The following ANK2 variants were observed in gnomAD, a reference collection of about 807,000 sequenced individuals.
ANK2 encodes ankyrin-2.
In ANK2, 83 loss-of-function variants were observed where a neutral mutation model predicts 360.5. That is an observed-to-expected ratio of 0.23 (90% CI 0.19 to 0.28). ANK2 has a LOEUF of 0.28. Among genes scored for constraint, ANK2 ranks in the 10% least tolerant of loss-of-function variants. The pLI is 1.00. For synonymous variants in ANK2, 1,740 were observed against 1,759.5 expected (o/e 0.99, Z 0.28); for missense variants, 4,201 against 4,795.7 (o/e 0.88, Z 3.66).
chr4:113,163,853 T>C (rs2097654332), intron 1 of ANK2, among the ~76,000 whole-genome samples: 1 of 151,332 alleles, frequency 6.6e-6, no homozygotes, highest in Admixed American at 6.6e-5. Flanking sequence ...TTATAGTATA[T>C]TATCCAATGG....
At chr4:113,035,289 A>G (rs1431542913) in intron 2 of ANK2, among the ~76,000 whole-genome samples, 2 of 151,924 alleles carry the variant, frequency 1.3e-5, no homozygotes, top group African/African-American at 4.8e-5. Flanking sequence ...TGTGATTAAT[A>G]TAGACAAGAA....
chr4:113,222,174 T>C (rs1014462271), intron 4 of ANK2, among the ~76,000 whole-genome samples: 2 of 152,190 alleles, frequency 1.3e-5, no homozygotes, highest in African/African-American at 2.4e-5. Context: ...CTCTTCTTAC[T>C]AACACCACCC....
intron 2 of ANK2, among the ~76,000 whole-genome samples, chr4:113,025,278 G>A (rs116291463): frequency 3.3e-5 from 5 of 152,124 alleles, no homozygotes; most frequent in African/African-American, 4.8e-5. Context: ...CTTCATACAC[G>A]ATGCCCCTCA....
intron 1 of ANK2, among the ~76,000 whole-genome samples, chr4:113,119,745 A>G (rs2095216353): frequency 6.6e-6 from 1 of 152,156 alleles, no homozygotes; most frequent in African/African-American, 2.4e-5. Flanking sequence ...AATGCAGATA[A>G]AAGCCAATTA....
intron 1 of ANK2, among the ~76,000 whole-genome samples, chr4:112,852,135 T>C (rs1460098267): frequency 7.9e-5 from 12 of 152,250 alleles, no homozygotes; most frequent in Admixed American, 7.9e-4. Flanking sequence ...TCTATTGCTC[T>C]AATACGTATT....
intron 1 of ANK2, among the ~76,000 whole-genome samples, chr4:113,136,262 G>A (rs1231015467): frequency 1.3e-5 from 2 of 152,158 alleles, no homozygotes; most frequent in African/African-American, 4.8e-5. Context: ...TCCACAGCAG[G>A]CTCCTAATCT....
chr4:113,195,354 C>T (rs1411806071), intron 2 of ANK2, among the ~76,000 whole-genome samples: 1 of 151,858 alleles, frequency 6.6e-6, no homozygotes, highest in Non-Finnish European at 1.5e-5. Flanking sequence ...TTTTTACATT[C>T]TGAGTATGAC....
chr4:113,056,605 A>T (rs1377430666), intron 1 of ANK2, among the ~76,000 whole-genome samples: 2 of 152,146 alleles, frequency 1.3e-5, no homozygotes, highest in Non-Finnish European at 2.9e-5. Context: ...CTTTTACTAG[A>T]TAGAGCAGAG....
At chr4:112,810,292 G>A in the ANK2 span, among the ~76,000 whole-genome samples, 1 of 150,444 alleles carries the variant, frequency 6.6e-6, no homozygotes, top group Non-Finnish European at 1.5e-5. Context: ...GTGAACCACT[G>A]TGCCTGGCCA....
At chr4:113,028,960 A>G (rs2059829904) in intron 2 of ANK2, among the ~76,000 whole-genome samples, 1 of 152,120 alleles carries the variant, frequency 6.6e-6, no homozygotes, top group Non-Finnish European at 1.5e-5. Context: ...GTGTATTAAT[A>G]TAAGCTAATA....
At chr4:113,132,297 A>G (rs1359404866) in intron 1 of ANK2, among the ~76,000 whole-genome samples, 1 of 152,086 alleles carries the variant, frequency 6.6e-6, no homozygotes, top group Non-Finnish European at 1.5e-5. Context: ...CCGTTTTTAT[A>G]TGTTTTAATA....
intron 1 of ANK2, among the ~76,000 whole-genome samples, chr4:113,156,869 ATATG>A (rs1166175951): frequency 6.8e-6 from 1 of 146,280 alleles, no homozygotes; most frequent in African/African-American, 2.5e-5. Flanking sequence ...ATATAAAAAT[ATATG>A]TGTGTGTGAC....
At chr4:113,145,903 C>A (rs75050054) in intron 1 of ANK2, 1 of 1,289,578 alleles carries the variant, frequency 7.8e-7, no homozygotes. Flanking sequence ...TCTTGCCATG[C>A]GGATAAGAGC....
chr4:113,141,685 A>G (rs1230377956), intron 1 of ANK2, among the ~76,000 whole-genome samples: 2 of 152,196 alleles, frequency 1.3e-5, no homozygotes, highest in Admixed American at 6.5e-5. Context: ...GAACTGAGAC[A>G]GTTATTTCTT....
At chr4:113,300,368 A>G (rs113018910) in intron 22 of ANK2, among the ~76,000 whole-genome samples, 96 of 97,050 alleles carry the variant, frequency 9.9e-4, no homozygotes, top group African/African-American at 3.6e-3. Context: ...AAGACAATCC[A>G]TTTCATCATG....
At chr4:113,022,533 C>T (rs182988854) in intron 2 of ANK2, among the ~76,000 whole-genome samples, 2 of 152,266 alleles carry the variant, frequency 1.3e-5, no homozygotes, top group East Asian at 3.9e-4. Context: ...TGCCACTAGA[C>T]ACTGAGTGTA....
At chr4:113,172,609 A>G (rs993657202) in intron 1 of ANK2, among the ~76,000 whole-genome samples, 1 of 152,188 alleles carries the variant, frequency 6.6e-6, no homozygotes, top group African/African-American at 2.4e-5. Context: ...AATGTTACCT[A>G]TAAGCATCTG....
At chr4:112,967,759 C>G (rs1426850483) in intron 2 of ANK2, among the ~76,000 whole-genome samples, 2 of 152,146 alleles carry the variant, frequency 1.3e-5, no homozygotes, top group Non-Finnish European at 2.9e-5. Context: ...CACACTCAGA[C>G]AGATCTTGAA....
chr4:112,850,445 CTTTTTT>C (rs548963656), intron 1 of ANK2, among the ~76,000 whole-genome samples: 2 of 74,238 alleles, frequency 2.7e-5, no homozygotes, highest in Non-Finnish European at 5.0e-5. Flanking sequence ...TTGTTCGTTT[CTTTTTT>C]TTTTTTTTTT....
Sources: allele counts gnomAD v4.1 joint callset (sites outside exome capture counted in the v4.1 genomes callset), GRCh38; gene constraint gnomAD v4.1.1; transcripts MANE v1.5; gene names NCBI Gene and HGNC (gene_info 2026-07-23, HGNC 2026-07-21).